Variants in PCDH9 observed in about 807,000 individuals in gnomAD.
PCDH9 encodes protocadherin 9.
A neutral mutation model predicts 70.6 loss-of-function variants in PCDH9; 24 were observed. The ratio of observed to expected loss-of-function variants is 0.34; its 90% CI spans 0.25 to 0.48. The LOEUF (loss-of-function observed/expected upper bound fraction) is 0.48, where lower values mean the gene tolerates loss of function less well. Ranked by LOEUF, PCDH9 falls within the 20% of genes least tolerant of loss-of-function variation. The pLI is 0.99. For missense variants in PCDH9, 1,281 were observed against 1,503.6 expected, an observed-to-expected ratio of 0.85 and a Z score of 2.45; for synonymous variants, 562 against 558.5, an observed-to-expected ratio of 1.01 and a Z score of -0.09.
Position 67,104,550 on chromosome 13 carries a change from C to T in PCDH9, c.3036+120855G>A, listed in dbSNP as rs572703114. Among the ~76,000 whole-genome samples the T allele has an allele frequency of 5.9e-5, 9 of 151,920 alleles. No individual in the cohort carries two copies. In the South Asian group the frequency reaches 1.9e-3, roughly 32 times the overall value. On this transcript the variant is annotated intron_variant, in intron 2 of 4. Transcript: ENST00000377865. ...AACTTATAAATCATATCTTGTTATA[C>T]AATTTTTTTTTTTTTTGAGACGGAG...
intron 3 of PCDH9, among the ~76,000 whole-genome samples, chr13:66,651,550 C>T (rs569607262): frequency 1.4e-4 from 21 of 152,050 alleles, no homozygotes; most frequent in African/African-American, 4.1e-4. Flanking sequence ...GCCTAAGACC[C>T]AATGATTTCA....
rs2089902037 is a variant in PCDH9 at position 67,227,308 on chromosome 13, G to A, written c.1133C>T (p.Pro378Leu). 6.2e-7 allele frequency: 1 copy of A among 1,613,542 alleles called. No homozygotes were observed. Among genetic ancestry groups the A allele is most frequent in the Non-Finnish European group, 8.5e-7 (1 of 1,179,478 alleles). ...NGTVYLSEKD[P>L]VNTKIALITV... ...AATTAGGGCAATCTTTGTATTGACA[G>A]GATCTTTCTCAGATAAATACACGGT... The change falls in exon 2 of 5, where the codon CCT becomes CTT. Residue 378 changes from proline to leucine, a missense_variant. Pro to Leu is a moderately conservative substitution (Grantham distance 98). This residue lies in a region of PCDH9 where 798 missense variants were observed against 1,003.1 expected (regional missense o/e 0.80). Transcript: ENST00000377865. The surrounding 1 kb of genome is among the most constrained non-coding windows in gnomAD (Gnocchi z 4.6).
At chr13:67,008,445 C>T (rs1019201192) in intron 2 of PCDH9, among the ~76,000 whole-genome samples, 1 of 152,010 alleles carries the variant, frequency 6.6e-6, no homozygotes, top group Non-Finnish European at 1.5e-5. Context: ...TATTGTTATT[C>T]GGGAAATATG....
chr13:67,041,648 G>A (rs1248330803), intron 2 of PCDH9, among the ~76,000 whole-genome samples: 3 of 151,846 alleles, frequency 2.0e-5, no homozygotes, highest in Non-Finnish European at 2.9e-5. Context: ...TGGCTAACAC[G>A]GTGAAACCCC....
At chr13:66,495,201 A>G (rs901266966) in intron 4 of PCDH9, among the ~76,000 whole-genome samples, 1 of 152,208 alleles carries the variant, frequency 6.6e-6, no homozygotes, top group African/African-American at 2.4e-5. Flanking sequence ...AAATTCTGGC[A>G]AACAATTAGA....
intron 2 of PCDH9, among the ~76,000 whole-genome samples, chr13:66,980,352 A>T (rs970785147): frequency 6.6e-6 from 1 of 152,142 alleles, no homozygotes; most frequent in African/African-American, 2.4e-5. Context: ...TTCCCACAAG[A>T]CAAACAAGGT....
intron 4 of PCDH9, among the ~76,000 whole-genome samples, chr13:66,321,984 A>G (rs1299631629): frequency 2.0e-5 from 3 of 151,870 alleles, no homozygotes; most frequent in Non-Finnish European, 2.9e-5. Flanking sequence ...TTAAATTTAA[A>G]TTATATGTGA....
At chr13:66,610,133 A>G (rs1203765959) in intron 4 of PCDH9, among the ~76,000 whole-genome samples, 1 of 151,958 alleles carries the variant, frequency 6.6e-6, no homozygotes, top group Non-Finnish European at 1.5e-5. Context: ...GTTATCTACC[A>G]GATCTTGTTC....
chr13:67,208,358 A>T (rs2089398907), intron 2 of PCDH9: 4 of 152,132 alleles, frequency 2.6e-5, no homozygotes, highest in Admixed American at 6.6e-5. Flanking sequence ...GTAGCCTCCA[A>T]ATGACCATAT....
In PCDH9 at chr13:67,226,498, G is replaced by A. The variant is rs760583171; in HGVS notation, c.1943C>T (p.Thr648Ile). ...QSSYTFDVKA[T>I]DGGQPPRSST... ...GGAACGAGGTGGTTGTCCTCCATCA[G>A]TGGCTTTGACATCAAAAGTGTAGGA... The change falls in exon 2 of 5, where the codon ACT becomes ATT. Residue 648 changes from threonine (T) to isoleucine (I), a missense_variant. By Grantham distance (89) the Thr-to-Ile change is moderately conservative (BLOSUM62 -1). This residue lies in a region of PCDH9 where 798 missense variants were observed against 1,003.1 expected (regional missense o/e 0.80). Transcript: ENST00000377865. This position sits in a 1 kb window ranked among gnomAD's most constrained non-coding sequence, Gnocchi z 5.0. The A allele has an allele frequency of 1.5e-5, 25 of 1,613,992 alleles. No individual in the cohort carries two copies. Among genetic ancestry groups the A allele is most frequent in the Middle Eastern group, 3.3e-4 (2 of 6,084 alleles).
At chr13:66,757,563 A>G (rs2079556076) in intron 3 of PCDH9, among the ~76,000 whole-genome samples, 1 of 152,108 alleles carries the variant, frequency 6.6e-6, no homozygotes, top group Admixed American at 6.6e-5. Flanking sequence ...AAATGGTAAA[A>G]AACAGACTAG....
At chr13:66,688,953 G>T (rs1168791976) in intron 3 of PCDH9, among the ~76,000 whole-genome samples, 12 of 152,088 alleles carry the variant, frequency 7.9e-5, no homozygotes, top group Non-Finnish European at 2.9e-5. Context: ...ACCTATGGTA[G>T]CTGTGTAGGA....
chr13:66,548,968 T>A (rs1961343959), intron 4 of PCDH9, among the ~76,000 whole-genome samples: 1 of 152,076 alleles, frequency 6.6e-6, no homozygotes, highest in African/African-American at 2.4e-5. Flanking sequence ...AGGAAGTTTT[T>A]AAAGTTTCTT....
intron 2 of PCDH9, among the ~76,000 whole-genome samples, chr13:67,183,493 G>T (rs966875760): frequency 6.6e-6 from 1 of 151,908 alleles, no homozygotes; most frequent in African/African-American, 2.4e-5. Context: ...TGTTTCTCTT[G>T]GGTCTTTGAG....
chr13:66,877,384 GTT>G (rs767897668), intron 3 of PCDH9, among the ~76,000 whole-genome samples: 5 of 143,944 alleles, frequency 3.5e-5, no homozygotes, highest in South Asian at 2.2e-4. Context: ...AGGTTTAGTG[GTT>G]TTTTTTTTTT....
intron 2 of PCDH9, among the ~76,000 whole-genome samples, chr13:67,085,260 C>T (rs1185150136): frequency 6.6e-6 from 1 of 150,634 alleles, no homozygotes; most frequent in African/African-American, 2.4e-5. Flanking sequence ...TGAATATAGC[C>T]CTGGGGAATC....
intron 3 of PCDH9, among the ~76,000 whole-genome samples, chr13:66,878,515 T>A (rs576930202): frequency 6.6e-6 from 1 of 152,088 alleles, no homozygotes; most frequent in African/African-American, 2.4e-5. Flanking sequence ...GCGTGAGGCA[T>A]AGCGCAGGGC....
At chr13:66,805,803 T>C (rs924126735) in intron 3 of PCDH9, among the ~76,000 whole-genome samples, 1 of 152,196 alleles carries the variant, frequency 6.6e-6, no homozygotes, top group Non-Finnish European at 1.5e-5. Context: ...TGCAATCACA[T>C]TTGAGGTTTG....
intron 2 of PCDH9, among the ~76,000 whole-genome samples, chr13:66,951,005 A>C (rs1455093832): frequency 6.6e-6 from 1 of 152,108 alleles, no homozygotes; most frequent in African/African-American, 2.4e-5. Context: ...TATTTTTCTC[A>C]ATGTTTACTG....
Sources: allele counts gnomAD v4.1 joint callset (sites outside exome capture counted in the v4.1 genomes callset), GRCh38; gene constraint gnomAD v4.1.1; regional missense constraint gnomAD v4.1.1; non-coding constraint Gnocchi (gnomAD v3.1); transcripts MANE v1.5; gene names NCBI Gene and HGNC (gene_info 2026-07-23, HGNC 2026-07-21).